Variants in RPGR observed in about 807,000 individuals in gnomAD.
RPGR encodes X-linked retinitis pigmentosa GTPase regulator.
RPGR carries 10 observed loss-of-function variants against 56.3 expected under a neutral mutation model. That is an observed-to-expected ratio of 0.18 (90% CI 0.11 to 0.30). The LOEUF (loss-of-function observed/expected upper bound fraction) is 0.30, where lower values mean the gene tolerates loss of function less well. Among genes scored for constraint, RPGR ranks in the 10% least tolerant of loss-of-function variants. The pLI is 1.00. For synonymous variants in RPGR, 197 were observed against 212.9 expected (o/e 0.93, Z 0.65); for missense variants, 538 against 590.9 (o/e 0.91, Z 0.93).
chrX:38,291,060 T>C lies in RPGR; in HGVS notation c.1507-36A>G, dbSNP rs766095527. On this transcript the variant is annotated intron_variant, in intron 12 of 18. Coordinates refer to ENST00000642395, the MANE Select transcript of RPGR (RefSeq NM_000328.3). ...TAAAAAATATATATTATAAAAAGAATACAGTATATATACTATATATTTGTA... is the reference window on the plus strand; with the variant it reads ...TAAAAAATATATATTATAAAAAGAACACAGTATATATACTATATATTTGTA... 8 of 504,684 alleles carry C rather than the reference T, an allele frequency of 1.6e-5. No homozygotes were observed. The East Asian group carries it at 4.1e-4, about 26-fold the overall frequency. 41.6% of individuals were successfully genotyped at this position (504,684 alleles called of 1,213,427 possible). A position where few individuals can be genotyped will look rare whatever the true frequency, so the allele number is the denominator to read the frequency against.
intron 11 of RPGR, among the ~76,000 whole-genome samples, chrX:38,293,363 C>T (rs868427282): frequency 1.5e-4 from 17 of 111,320 alleles, no homozygotes; most frequent in Middle Eastern, 4.6e-3. Flanking sequence ...ATTTGGCCCA[C>T]GAGCCATTAT....
intron 8 of RPGR, chrX:38,302,803 C>CTTTTTTTTTTTTTTTTT (rs1289293091): frequency 1.1e-5 from 1 of 87,353 alleles, no homozygotes. Flanking sequence ...TTTAGACTAC[C>CTTTTTTTTTTTTTTTTT]TTTTTTTTTT....
At chrX:38,298,079 C>T (rs2067423493) in intron 10 of RPGR, among the ~76,000 whole-genome samples, 2 of 109,797 alleles carry the variant, frequency 1.8e-5, no homozygotes, top group East Asian at 5.7e-4. Context: ...ACCAGCCTGG[C>T]CAGCATGGTG....
chrX:38,284,693 G>T, intron 15 of RPGR: 5 of 716,975 alleles, frequency 7.0e-6, no homozygotes, highest in Non-Finnish European at 8.3e-6. Flanking sequence ...TTTCTTACAT[G>T]AATAACAATA....
chrX:38,299,884 A>G (rs979538292), intron 9 of RPGR, among the ~76,000 whole-genome samples: 2 of 111,753 alleles, frequency 1.8e-5, no homozygotes, highest in Admixed American at 9.5e-5. Context: ...ACTGTAATGA[A>G]TAAGTCCTCA....
In RPGR at chrX:38,276,647, G is replaced by C; in HGVS notation, c.2031C>G (p.His677Gln). 2 of 1,210,353 alleles carry C rather than the reference G, an allele frequency of 1.7e-6. No individual in the cohort carries two copies. The highest frequency in any genetic ancestry group is 1.1e-6 in the Non-Finnish European group (1 of 894,675). The change falls in exon 16 of 19, where the codon CAC (histidine) becomes CAG (glutamine). Residue 677 changes from histidine (H) to glutamine (Q), a missense_variant. His to Gln is a conservative substitution (Grantham distance 24). Around this residue, in one of 2 missense-constraint regions of RPGR, gnomAD observed 357 missense variants for 325.8 expected, o/e 1.10. Transcript: ENST00000642395. ...TTCTTTCTGCTCCTTCTGTTTTACT[G>C]TGATAACCTGTAGGAACACTTTCAT...
intron 13 of RPGR, among the ~76,000 whole-genome samples, chrX:38,289,927 A>C (rs917704405): frequency 1.8e-5 from 2 of 111,669 alleles, no homozygotes; most frequent in African/African-American, 6.5e-5. Context: ...CTGGAGTCTA[A>C]GGGAAGAGGA....
chrX:38,323,719 A>G (rs2067991622), intron 1 of RPGR, among the ~76,000 whole-genome samples, 195 bp from the exon 2 acceptor site: 1 of 112,065 alleles, frequency 8.9e-6, no homozygotes, highest in African/African-American at 3.2e-5. Context: ...AGTTTTATCT[A>G]TGAAATCTAC....
chrX:38,273,304 T>A (rs2066874981), intron 18 of RPGR: 1 of 782,781 alleles, frequency 1.3e-6, no homozygotes, highest in African/African-American at 2.1e-5. Context: ...TTAAGAGAGT[T>A]AAATTATGTG....
At chrX:38,302,009 C>T (rs1415277108) in intron 8 of RPGR, among the ~76,000 whole-genome samples, 1 of 111,646 alleles carries the variant, frequency 9.0e-6, no homozygotes, top group Non-Finnish European at 1.9e-5. Context: ...TAATCTGGCT[C>T]CTGGGCTGTG....
At position 38,287,886 on chromosome X, in the gene RPGR, G is replaced by A. The variant is rs145682975; in HGVS notation, c.1728C>T (p.Ile576=). The A allele has an allele frequency of 3.6e-5, 44 of 1,208,647 alleles. No homozygotes were observed. Among genetic ancestry groups the A allele is most frequent in the Admixed American group, 2.2e-4 (10 of 45,675 alleles). Residue 576 remains isoleucine, a synonymous_variant, in exon 14 of 19, where the codon ATC becomes ATT. Transcript: ENST00000642395. ...CTACTTCCTCATCTGAAAATGCTTC[G>A]ATAGTCGTAGCTGGCTGCGTCATGA...
rs749419624 is a variant in RPGR, at chrX:38,292,011, G to A, written c.1415-527C>T. 2.4e-4 allele frequency among the ~76,000 whole-genome samples: 26 copies of A among 109,547 alleles called. No individual in the cohort carries two copies. The East Asian group carries it at 7.0e-3, about 30-fold the overall frequency. ...TCCCCCTCCACCCCCAGCTACACTCGTGCACTCCCTCTCTTTCTCTCTAAT... is the reference window on the plus strand; with the variant it reads ...TCCCCCTCCACCCCCAGCTACACTCATGCACTCCCTCTCTTTCTCTCTAAT... On this transcript the variant is annotated intron_variant, in intron 11 of 18. Transcript: ENST00000642395.
At chrX:38,315,313 C>A (rs189176453) in intron 6 of RPGR, among the ~76,000 whole-genome samples, 77 of 111,387 alleles carry the variant, frequency 6.9e-4, no homozygotes, top group Non-Finnish European at 1.3e-3. Context: ...GCCTGGGCAA[C>A]AGAGCAAGAC....
chrX:38,275,192 G>T (rs759926906), intron 16 of RPGR: 1 of 1,094,418 alleles, frequency 9.1e-7, no homozygotes, highest in Non-Finnish European at 1.3e-6. Flanking sequence ...TTTTTGTGCT[G>T]TTCTAGAAAA....
In RPGR at chrX:38,315,836, T is replaced by TAGAGAG. The variant is rs1391249160; in HGVS notation, c.619+1479_619+1480insCTCTCT. On this transcript the variant is annotated intron_variant, in intron 6 of 18. Transcript: ENST00000642395. ...ATATATATACATATATATATATATA[T>TAGAGAG]ATAGAGAGAGAGAGAGAGAGAGAGT... Among the ~76,000 whole-genome samples the TAGAGAG allele has an allele frequency of 9.6e-3, 834 of 86,851 alleles. 5 individuals carry two copies. Among genetic ancestry groups the TAGAGAG allele is most frequent in the African/African-American group, 0.034 (710 of 20,855 alleles). 75.4% of individuals were successfully genotyped at this position (86,851 alleles called of 115,157 possible).
At chrX:38,317,512 A>G (rs746543700) in intron 5 of RPGR, 47 bp from the exon 6 acceptor site, 1 of 1,078,719 alleles carries the variant, frequency 9.3e-7, no homozygotes, top group African/African-American at 1.8e-5. Context: ...AAAGGTAGCC[A>G]GGCTCTGAAG....
intron 15 of RPGR, chrX:38,285,329 T>A: frequency 9.4e-7 from 1 of 1,067,468 alleles, no homozygotes; most frequent in Non-Finnish European, 1.2e-6. Flanking sequence ...GGGGGGGAAA[T>A]ACACGAAAAT....
chrX:38,314,198 C>T (rs1271044384), intron 6 of RPGR, among the ~76,000 whole-genome samples: 1 of 111,759 alleles, frequency 8.9e-6, no homozygotes, highest in African/African-American at 3.2e-5. Flanking sequence ...CTGTAGCTAT[C>T]AGTAGGACCT....
chrX:38,294,908 C>G (rs2067349354), intron 11 of RPGR, among the ~76,000 whole-genome samples: 1 of 112,082 alleles, frequency 8.9e-6, no homozygotes, highest in African/African-American at 3.2e-5. Context: ...GCAAAGGGCT[C>G]ACAAGTATTC....
Sources: allele counts gnomAD v4.1 joint callset (sites outside exome capture counted in the v4.1 genomes callset), GRCh38; gene constraint gnomAD v4.1.1; regional missense constraint gnomAD v4.1.1; transcripts MANE v1.5; gene names NCBI Gene and HGNC (gene_info 2026-07-23, HGNC 2026-07-21).